TRPM3: variants seen among roughly 807,000 people sequenced by gnomAD.
TRPM3 encodes transient receptor potential cation channel subfamily M member 3, also known as long transient receptor potential channel 3.
Under a neutral mutation model 181.2 loss-of-function variants are expected in TRPM3, and 77 were observed. That is an observed-to-expected ratio of 0.42 (90% CI 0.35 to 0.51). TRPM3 has a LOEUF of 0.51. Ranked by LOEUF, TRPM3 falls within the 20% of genes least tolerant of loss-of-function variation. TRPM3 has a pLI of 0.01. For missense variants in TRPM3, 1,759 were observed against 2,196.7 expected (o/e 0.80, Z 3.98); for synonymous variants, 745 against 796.4 (o/e 0.94, Z 1.09).
Position 71,188,862 on chromosome 9 carries a change from AGAG to A in TRPM3, c.183+257788_183+257790del, listed in dbSNP as rs1158469896. ...TTAAAATTGAAACAAGGATTAAATA[AGAG>A]GATGTATATAAAGTAATAAGCACAG... On this transcript the variant is annotated intron_variant, in intron 1 of 24. Transcript: ENST00000357533. Among the ~76,000 whole-genome samples the A allele has an allele frequency of 5.3e-5, 8 of 152,088 alleles. No individual in the cohort carries two copies. In the East Asian group the frequency reaches 5.8e-4, roughly 11 times the overall value.
chr9:70,865,120 C>T (rs2095621666), intron 1 of TRPM3, among the ~76,000 whole-genome samples: 1 of 151,870 alleles, frequency 6.6e-6, no homozygotes, highest in South Asian at 2.1e-4. Flanking sequence ...ACAGGTAATG[C>T]CTTTGGAAAA....
intron 9 of TRPM3, among the ~76,000 whole-genome samples, chr9:70,680,253 A>G (rs1214627049): frequency 2.0e-5 from 3 of 152,180 alleles, no homozygotes; most frequent in Admixed American, 6.5e-5. Flanking sequence ...AACTTACTCC[A>G]TCTGTAAAAT....
intron 1 of TRPM3, among the ~76,000 whole-genome samples, chr9:71,394,077 C>A (rs1386991729): frequency 2.0e-5 from 3 of 152,028 alleles, no homozygotes; most frequent in Non-Finnish European, 4.4e-5. Flanking sequence ...TGAGAGAAAG[C>A]AAGAGATTAG....
chr9:70,580,749 C>G (rs1456553240), intron 22 of TRPM3, among the ~76,000 whole-genome samples: 1 of 152,230 alleles, frequency 6.6e-6, no homozygotes, highest in Non-Finnish European at 1.5e-5. Flanking sequence ...TAACTGTTAC[C>G]TCCAGGAGAC....
intron 7 of TRPM3, chr9:70,774,560 G>A (rs2080980960): frequency 6.6e-6 from 1 of 152,004 alleles, no homozygotes; most frequent in Non-Finnish European, 1.5e-5. Flanking sequence ...TCATTCAAGG[G>A]TCAACTGTAT....
chr9:71,041,785 AC>A (rs910972898), intron 1 of TRPM3, among the ~76,000 whole-genome samples: 1 of 151,976 alleles, frequency 6.6e-6, no homozygotes, highest in Non-Finnish European at 1.5e-5. Context: ...TAAGTCCCAA[AC>A]CTGTTCAGGT....
At chr9:71,203,721 T>C (rs889666743) in intron 1 of TRPM3, among the ~76,000 whole-genome samples, 3 of 152,182 alleles carry the variant, frequency 2.0e-5, no homozygotes, top group Non-Finnish European at 4.4e-5. Flanking sequence ...TTAATACACA[T>C]GGTACTCTGT....
intron 5 of TRPM3, among the ~76,000 whole-genome samples, chr9:70,831,501 G>A (rs964383908): frequency 6.6e-6 from 1 of 151,370 alleles, no homozygotes; most frequent in African/African-American, 2.4e-5. Context: ...AGGCTTTCCT[G>A]AGAAATTAAG....
intron 9 of TRPM3, among the ~76,000 whole-genome samples, chr9:70,648,857 A>C (rs918099182): frequency 1.3e-5 from 2 of 152,204 alleles, no homozygotes; most frequent in South Asian, 2.1e-4. Context: ...GATGGATTAA[A>C]GACTTAAATA....
Position 70,784,193 on chromosome 9 carries a change from T to G in TRPM3, c.1060A>C (p.Thr354Pro). ...CAGACAACCACTGGCACGGGAGGGG[T>G]GTCTCGAAGGTACTCCAAAACAATC... Reference protein sequence around the residue: ...ISIVLEYLRDTPPVPVVVCDG... With the variant: ...ISIVLEYLRDPPPVPVVVCDG... The change falls in exon 7 of 26, where the codon ACC (threonine) becomes CCC (proline). Residue 354 changes from threonine to proline, a missense_variant. By Grantham distance (38) the Thr-to-Pro change is conservative. Coordinates refer to ENST00000677713, the MANE Select transcript of TRPM3 (RefSeq NM_001366145.2). The G allele has an allele frequency of 6.2e-7, 1 of 1,612,804 alleles. No individual in the cohort carries two copies. Among genetic ancestry groups the G allele is most frequent in the Middle Eastern group, 1.7e-4 (1 of 6,056 alleles).
At chr9:70,902,042 G>C (rs1003255562) in intron 1 of TRPM3, among the ~76,000 whole-genome samples, 1 of 152,194 alleles carries the variant, frequency 6.6e-6, no homozygotes, top group Non-Finnish European at 1.5e-5. Flanking sequence ...TGGTAGTTGG[G>C]GGTGGGGTCA....
chr9:70,898,970 A>C (rs956404555), intron 1 of TRPM3, among the ~76,000 whole-genome samples: 1 of 152,174 alleles, frequency 6.6e-6, no homozygotes, highest in African/African-American at 2.4e-5. Context: ...GTTTGTTACC[A>C]ATATGAAGCT....
chr9:70,639,555 T>C (rs1425174948), intron 10 of TRPM3, among the ~76,000 whole-genome samples: 1 of 152,212 alleles, frequency 6.6e-6, no homozygotes, highest in Non-Finnish European at 1.5e-5. Context: ...GCACTTTTGC[T>C]GTCTTCATTT....
chr9:70,610,174 C>T (rs1206270335), intron 19 of TRPM3, among the ~76,000 whole-genome samples: 2 of 152,300 alleles, frequency 1.3e-5, no homozygotes, highest in African/African-American at 4.8e-5. Flanking sequence ...CATGCATACA[C>T]ACACTACCTT....
At chr9:70,994,935 G>T (rs1243958286) in intron 1 of TRPM3, among the ~76,000 whole-genome samples, 2 of 152,192 alleles carry the variant, frequency 1.3e-5, no homozygotes, top group African/African-American at 4.8e-5. Context: ...CTTGTTTCCT[G>T]CAGGGCATGT....
intron 1 of TRPM3, among the ~76,000 whole-genome samples, chr9:71,438,708 A>G (rs1026196108): frequency 4.6e-5 from 7 of 152,170 alleles, no homozygotes; most frequent in African/African-American, 1.7e-4. Context: ...TCTCTTCCAG[A>G]TATTTTTTAG....
intron 8 of TRPM3, among the ~76,000 whole-genome samples, chr9:70,689,794 A>G (rs759858592): frequency 2.0e-4 from 30 of 152,154 alleles, no homozygotes; most frequent in Non-Finnish European, 3.8e-4. Flanking sequence ...GAAACATGGA[A>G]ATAATTTTAT....
intron 8 of TRPM3, among the ~76,000 whole-genome samples, chr9:70,753,846 G>A (rs1437927743): frequency 6.6e-6 from 1 of 152,124 alleles, no homozygotes; most frequent in East Asian, 1.9e-4. Context: ...GAAATGGAAA[G>A]ATGAACTGAT....
At chr9:71,248,946 A>C (rs1037539148) in intron 1 of TRPM3, among the ~76,000 whole-genome samples, 4 of 152,210 alleles carry the variant, frequency 2.6e-5, no homozygotes, top group Non-Finnish European at 4.4e-5. Context: ...AAACAGTTTT[A>C]TTTCAAAACA....
Sources: allele counts gnomAD v4.1 joint callset (sites outside exome capture counted in the v4.1 genomes callset), GRCh38; gene constraint gnomAD v4.1.1; transcripts MANE v1.5; gene names NCBI Gene and HGNC (gene_info 2026-07-23, HGNC 2026-07-21).